Variants in ESR1 observed in about 807,000 individuals in gnomAD.
ESR1 encodes the protein estrogen receptor.
ESR1 carries 12 observed loss-of-function variants against 52.7 expected under a neutral mutation model. That is an observed-to-expected ratio of 0.23 (90% CI 0.15 to 0.37). The LOEUF is 0.37. Ranked by LOEUF, ESR1 falls within the 10% of genes least tolerant of loss-of-function variation. The pLI, the probability that ESR1 is intolerant of heterozygous loss-of-function variation, is 1.00. For missense variants in ESR1, 584 were observed against 779.7 expected, an observed-to-expected ratio of 0.75 and a Z score of 2.99; for synonymous variants, 305 against 316.8, an observed-to-expected ratio of 0.96 and a Z score of 0.39.
At chr6:151,988,641 C>T (rs1418799735) in intron 4 of ESR1, among the ~76,000 whole-genome samples, 1 of 152,000 alleles carries the variant, frequency 6.6e-6, no homozygotes, top group Non-Finnish European at 1.5e-5. Flanking sequence ...GGCTTAATAT[C>T]TGGGTGTTGA....
At position 151,781,803 on chromosome 6, in the gene ESR1, AC is replaced by A. The variant is rs200378796; in HGVS notation, c.-70-26039del. The stretch of plus-strand genomic sequence containing the variant: ...TTTGTTTTAAAAAAAAGTATTGTGC[AC>A]AAAAAAAAAAACTACTTTCAGCATA... On this transcript the variant is annotated intron_variant, in intron 2 of 2. Transcript: ENST00000404742. 1.7e-3 allele frequency among the ~76,000 whole-genome samples: 206 copies of A among 119,082 alleles called. 3 individuals carry two copies. Among genetic ancestry groups the A allele is most frequent in the African/African-American group, 4.0e-3 (115 of 28,988 alleles). 78.1% of individuals were successfully genotyped at this position (119,082 alleles called of 152,430 possible). A position where few individuals can be genotyped will look rare whatever the true frequency, so the allele number is the denominator to read the frequency against.
At chr6:152,006,931 G>A (rs1274672271) in intron 4 of ESR1, among the ~76,000 whole-genome samples, 2 of 151,986 alleles carry the variant, frequency 1.3e-5, no homozygotes, top group East Asian at 1.9e-4. Flanking sequence ...TTCTTTTGCA[G>A]TGTTTCTGCT....
At chr6:151,741,251 T>C (rs1783075047) in intron 2 of ESR1, among the ~76,000 whole-genome samples, 1 of 152,164 alleles carries the variant, frequency 6.6e-6, no homozygotes, top group Admixed American at 6.5e-5. Context: ...CACTCCAGTA[T>C]CAAGGCTTAG....
intron 6 of ESR1, among the ~76,000 whole-genome samples, chr6:152,120,209 G>A (rs909414580): frequency 3.9e-5 from 6 of 152,184 alleles, no homozygotes; most frequent in Admixed American, 2.0e-4. Flanking sequence ...CATTGTGTGG[G>A]ATTTCCATAC....
chr6:151,878,733 A>G lies in ESR1; in HGVS notation c.644-1922A>G, dbSNP rs78909436. On this transcript the variant is annotated intron_variant, in intron 2 of 7. Coordinates refer to ENST00000206249, the MANE Select transcript of ESR1 (RefSeq NM_000125.4). ...AGAACCATGTTTTACAATAGTATAC[A>G]TAACTTCCTTAGTCTAAATTCAGGA... Among the ~76,000 whole-genome samples, 1,210 of 152,344 alleles carry G rather than the reference A, an allele frequency of 7.9e-3. 19 individuals are homozygous for G. Among genetic ancestry groups the G allele is most frequent in the African/African-American group, 0.027 (1,138 of 41,574 alleles).
chr6:152,036,409 G>T (rs1051460877), intron 5 of ESR1, among the ~76,000 whole-genome samples: 2 of 152,092 alleles, frequency 1.3e-5, no homozygotes, highest in Non-Finnish European at 2.9e-5. Context: ...AACACAGGTT[G>T]CTGGAAAAAT....
Position 151,998,454 on chromosome 6 carries a change from T to C in ESR1, c.1097-13202T>C, listed in dbSNP as rs1293562135. Among the ~76,000 whole-genome samples, 6 of 152,192 alleles carry C rather than the reference T, an allele frequency of 3.9e-5. No homozygotes were observed. In the East Asian group the frequency reaches 9.7e-4, roughly 25 times the overall value. ...ATCAGTTTTGTGAAAAGCACCGTGC[T>C]GGGTTCTTTGGGAAAAGCCAAGATG... On this transcript the variant is annotated intron_variant, in intron 4 of 7. Transcript: ENST00000206249.
intron 4 of ESR1, among the ~76,000 whole-genome samples, chr6:151,954,021 T>C (rs2036625195): frequency 6.6e-6 from 1 of 152,188 alleles, no homozygotes; most frequent in Non-Finnish European, 1.5e-5. Flanking sequence ...AGCCCTTTCT[T>C]AATTACCCCC....
intron 5 of ESR1, among the ~76,000 whole-genome samples, chr6:152,018,025 G>C (rs1198152304): frequency 1.3e-5 from 2 of 152,136 alleles, no homozygotes; most frequent in African/African-American, 4.8e-5. Context: ...GAGAGTTGTT[G>C]CTCTAGTTCT....
chr6:151,839,861 A>T (rs1024856876), intron 1 of ESR1, among the ~76,000 whole-genome samples: 2 of 152,154 alleles, frequency 1.3e-5, no homozygotes, highest in Admixed American at 1.3e-4. Context: ...GTGAAATGAA[A>T]ATGTTCTGAA....
chr6:151,995,631 A>T (rs1466061694), intron 4 of ESR1, among the ~76,000 whole-genome samples: 1 of 152,186 alleles, frequency 6.6e-6, no homozygotes, highest in Non-Finnish European at 1.5e-5. Flanking sequence ...TTTTTTGAAG[A>T]TACAAATCAT....
chr6:152,044,832 T>G (rs2046096978), intron 5 of ESR1, among the ~76,000 whole-genome samples: 1 of 152,164 alleles, frequency 6.6e-6, no homozygotes, highest in African/African-American at 2.4e-5. Flanking sequence ...GTCCACTGAC[T>G]CAAATGTTAA....
exon 1 of ESR1, chr6:151,690,589 G>A (rs1470273088): frequency 1.3e-5 from 2 of 152,174 alleles, no homozygotes; most frequent in Non-Finnish European, 2.9e-5. Flanking sequence ...TAACAGGCTC[G>A]AAAGGTCCAT....
upstream of ESR1, among the ~76,000 whole-genome samples, chr6:151,802,286 C>G (rs544642276): frequency 6.6e-6 from 1 of 152,116 alleles, no homozygotes; most frequent in African/African-American, 2.4e-5. Flanking sequence ...TATTTTTCCA[C>G]ATTAGAGGAA....
At chr6:151,956,349 A>T (rs571191872) in intron 4 of ESR1, among the ~76,000 whole-genome samples, 24 of 152,370 alleles carry the variant, frequency 1.6e-4, no homozygotes, top group African/African-American at 5.8e-4. Context: ...CCTTCACAGA[A>T]CGTTCATTCT....
chr6:151,777,908 C>T (rs1467813404), intron 2 of ESR1, among the ~76,000 whole-genome samples: 5 of 151,736 alleles, frequency 3.3e-5, no homozygotes, highest in Admixed American at 1.3e-4. Context: ...TGCAGTGAGC[C>T]GAGACTGCGC....
chr6:152,092,123 C>T (rs781612195), intron 6 of ESR1, among the ~76,000 whole-genome samples: 1 of 152,208 alleles, frequency 6.6e-6, no homozygotes, highest in Non-Finnish European at 1.5e-5. Flanking sequence ...AGGCCAACAC[C>T]ACGGCCATGG....
intron 2 of ESR1, among the ~76,000 whole-genome samples, chr6:151,849,981 TA>T (rs1562473564): frequency 3.1e-4 from 2 of 6,408 alleles, no homozygotes; most frequent in Non-Finnish European, 1.3e-3. Context: ...TAGGGAATTA[TA>T]TATATATATA....
rs2050868012 is a variant in ESR1, at chr6:152,099,134, ATCTTCTGTCTTC to A, written c.*170_*181del. The A allele has an allele frequency of 6.1e-6, 4 of 653,504 alleles. No homozygotes were observed. In the East Asian group the frequency reaches 1.1e-4, roughly 18 times the overall value. 40.5% of individuals were successfully genotyped at this position (653,504 alleles called of 1,614,324 possible). ...TTGCTTGCTCAGTTCTTAGTGGCAC[ATCTTCTGTCTTC>A]TGTTGGGAACAGCCAAAGGGATTCC... On this transcript the variant is annotated 3_prime_UTR_variant, in exon 8 of 8. Transcript: ENST00000206249.
Sources: gnomAD v4.1 joint callset for allele counts (sites outside exome capture counted in the v4.1 genomes callset) on GRCh38, gnomAD v4.1.1 for gene constraint, MANE v1.5 for transcripts, NCBI Gene and HGNC (gene_info 2026-07-23, HGNC 2026-07-21) for gene names.